Variants in SIPA1L1 observed in about 807,000 individuals in gnomAD.
The protein encoded by SIPA1L1 is signal-induced proliferation-associated 1-like protein 1.
In SIPA1L1, 26 loss-of-function variants were observed where a neutral mutation model predicts 162.7. The observed-to-expected ratio is 0.16, with a 90% CI of 0.12 to 0.22. The LOEUF (loss-of-function observed/expected upper bound fraction) is 0.22, where lower values mean the gene tolerates loss of function less well. Ranked by LOEUF, SIPA1L1 falls within the 10% of genes least tolerant of loss-of-function variation. The pLI is 1.00. For synonymous variants in SIPA1L1, 829 were observed against 837.4 expected (o/e 0.99, Z 0.17); for missense variants, 1,874 against 2,241.0 (o/e 0.84, Z 3.31).
chr14:71,579,859 A>G (rs1440430478), intron 4 of SIPA1L1, among the ~76,000 whole-genome samples: 2 of 152,208 alleles, frequency 1.3e-5, no homozygotes, highest in Non-Finnish European at 2.9e-5. Context: ...AGAAAACTGC[A>G]CTATCCTTAA....
chr14:71,408,538 G>T (rs1256652954), intron 2 of SIPA1L1, among the ~76,000 whole-genome samples: 1 of 152,192 alleles, frequency 6.6e-6, no homozygotes, highest in Non-Finnish European at 1.5e-5. Context: ...GTAGCCTGTG[G>T]AATGTGATGG....
chr14:71,732,441 C>T (rs2084883099), intron 20 of SIPA1L1, among the ~76,000 whole-genome samples: 1 of 152,138 alleles, frequency 6.6e-6, no homozygotes, highest in Admixed American at 6.5e-5. Context: ...ATTTCTATGT[C>T]ATGAGCGTCG....
chr14:71,324,308 A>T (rs1237332147), intron 2 of SIPA1L1, among the ~76,000 whole-genome samples: 1 of 152,164 alleles, frequency 6.6e-6, no homozygotes, highest in Admixed American at 6.5e-5. Context: ...AGTTGAAGTG[A>T]TTTGTTGAAG....
chr14:71,568,847 A>G (rs151196826), intron 4 of SIPA1L1, among the ~76,000 whole-genome samples: 44 of 152,368 alleles, frequency 2.9e-4, no homozygotes, highest in African/African-American at 9.9e-4. Context: ...GGAAGAATGC[A>G]TACTGTCCTT....
At chr14:71,657,001 A>T (rs142393438) in intron 8 of SIPA1L1, among the ~76,000 whole-genome samples, 9 of 152,294 alleles carry the variant, frequency 5.9e-5, no homozygotes, top group African/African-American at 2.2e-4. Context: ...TGTGTCAGAG[A>T]CTTTGTCTGA....
At chr14:71,429,470 C>T (rs1235463363) in intron 2 of SIPA1L1, among the ~76,000 whole-genome samples, 1 of 151,834 alleles carries the variant, frequency 6.6e-6, no homozygotes, top group Admixed American at 6.6e-5. Flanking sequence ...AATCCCAGTT[C>T]ATCCTTTTTA....
At chr14:71,364,967 G>A (rs1002102183) in intron 2 of SIPA1L1, among the ~76,000 whole-genome samples, 9 of 151,970 alleles carry the variant, frequency 5.9e-5, no homozygotes, top group African/African-American at 1.7e-4. Context: ...GGCTGGTCTC[G>A]AATTCCTGGC....
chr14:71,381,735 T>C (rs907620587), intron 2 of SIPA1L1, among the ~76,000 whole-genome samples: 1 of 152,196 alleles, frequency 6.6e-6, no homozygotes, highest in African/African-American at 2.4e-5. Context: ...GCAACTGCAT[T>C]GTGGTGATTT....
At chr14:71,548,000 G>T (rs1056046777) in intron 4 of SIPA1L1, among the ~76,000 whole-genome samples, 1 of 152,142 alleles carries the variant, frequency 6.6e-6, no homozygotes, top group Non-Finnish European at 1.5e-5. Context: ...TTCTTGTAAA[G>T]CCATAATGAC....
intron 2 of SIPA1L1, among the ~76,000 whole-genome samples, chr14:71,478,959 G>GA (rs952906836): frequency 2.0e-4 from 29 of 144,542 alleles, no homozygotes; most frequent in Non-Finnish European, 3.4e-4. Flanking sequence ...GAATTAAAAA[G>GA]AAAAAAAAAA....
intron 4 of SIPA1L1, among the ~76,000 whole-genome samples, chr14:71,553,015 C>T (rs1010483469): frequency 1.3e-5 from 2 of 152,164 alleles, no homozygotes; most frequent in Non-Finnish European, 2.9e-5. Context: ...AGCGCCTCCT[C>T]AGTTCAGATT....
At chr14:71,691,196 T>A (rs767921105) in intron 13 of SIPA1L1, among the ~76,000 whole-genome samples, 1 of 152,224 alleles carries the variant, frequency 6.6e-6, no homozygotes, top group Non-Finnish European at 1.5e-5. Context: ...ACTGGAAGGA[T>A]GACCTAATAA....
intron 2 of SIPA1L1, among the ~76,000 whole-genome samples, chr14:71,408,243 C>T (rs1243723435): frequency 6.6e-6 from 1 of 152,168 alleles, no homozygotes; most frequent in Non-Finnish European, 1.5e-5. Context: ...GGTATTTAAG[C>T]TTCCCAAGTG....
At chr14:71,688,639 C>T (rs546201157) in intron 13 of SIPA1L1, among the ~76,000 whole-genome samples, 4 of 152,238 alleles carry the variant, frequency 2.6e-5, no homozygotes, top group Middle Eastern at 3.4e-3. Context: ...TGAGGAGTAC[C>T]GGGGCACCCC....
intron 2 of SIPA1L1, among the ~76,000 whole-genome samples, chr14:71,461,800 G>A (rs1294750457): frequency 6.6e-6 from 1 of 152,220 alleles, no homozygotes. Flanking sequence ...GGGCTGTAGT[G>A]CTGCAGCTGT....
intron 14 of SIPA1L1, among the ~76,000 whole-genome samples, chr14:71,701,547 A>G (rs1597090374): frequency 6.6e-6 from 1 of 152,210 alleles, no homozygotes; most frequent in Non-Finnish European, 1.5e-5. Context: ...TGGATTATGC[A>G]TAAAGTTCAT....
At chr14:71,392,756 A>C (rs1481961787) in intron 2 of SIPA1L1, among the ~76,000 whole-genome samples, 2 of 152,014 alleles carry the variant, frequency 1.3e-5, no homozygotes, top group Non-Finnish European at 2.9e-5. Context: ...GATGGTCTCA[A>C]TCTCCTAACC....
chr14:71,698,342 A>G (rs1216335295), intron 13 of SIPA1L1, among the ~76,000 whole-genome samples: 2 of 152,190 alleles, frequency 1.3e-5, no homozygotes, highest in Non-Finnish European at 2.9e-5. Context: ...TTAAAAACAG[A>G]TACATGAGGT....
At chr14:71,329,315 T>C (rs978379832) in intron 2 of SIPA1L1, among the ~76,000 whole-genome samples, 1 of 152,208 alleles carries the variant, frequency 6.6e-6, no homozygotes, top group African/African-American at 2.4e-5. Flanking sequence ...TTTTAATTTT[T>C]TGAGGAACCT....
Sources: allele counts gnomAD v4.1 joint callset (sites outside exome capture counted in the v4.1 genomes callset), GRCh38; gene constraint gnomAD v4.1.1; transcripts MANE v1.5; gene names NCBI Gene and HGNC (gene_info 2026-07-23, HGNC 2026-07-21).